Variants in PAPPA2 observed in about 807,000 individuals in gnomAD.
PAPPA2 encodes the protein pappalysin 2.
In PAPPA2, 86 loss-of-function variants were observed where a neutral mutation model predicts 176.4. That is an observed-to-expected ratio of 0.49 (90% confidence interval 0.41 to 0.58). PAPPA2 has a LOEUF of 0.58. Ranked by LOEUF, PAPPA2 falls within the 20% of genes least tolerant of loss-of-function variation. The pLI is 0.00. For missense variants in PAPPA2, 2,073 were observed against 2,256.9 expected (o/e 0.92, Z 1.65); for synonymous variants, 809 against 852.2 (o/e 0.95, Z 0.88).
intron 21 of PAPPA2, among the ~76,000 whole-genome samples, chr1:176,831,084 G>A (rs772702401): frequency 1.6e-4 from 25 of 152,148 alleles, no homozygotes; most frequent in Non-Finnish European, 3.1e-4. Context: ...AAGTTTTTTC[G>A]GTTTTTGTTT....
At position 176,557,165 on chromosome 1, in the gene PAPPA2, G is replaced by A. The variant is rs752644364; in HGVS notation, c.843G>A (p.Glu281=). Residue 281 remains glutamate (E), a synonymous_variant, in exon 2 of 23, where the codon GAG becomes GAA. Transcript: ENST00000367662. ...RLLLRPEVLA[E]IPREAFTVEA... is the part of the protein sequence containing the mutation. Reference sequence around the variant, plus strand: ...TGCTGCGTCCAGAAGTGCTGGCTGAGATTCCCCGGGAGGCGTTCACAGTGG... The same window carrying A: ...TGCTGCGTCCAGAAGTGCTGGCTGAAATTCCCCGGGAGGCGTTCACAGTGG... The A allele has an allele frequency of 1.2e-6, 2 of 1,613,792 alleles. No individual in the cohort carries two copies. Among genetic ancestry groups the A allele is most frequent in the South Asian group, 2.2e-5 (2 of 90,998 alleles).
chr1:176,467,835 A>G (rs750975737), intron 1 of PAPPA2, among the ~76,000 whole-genome samples: 12 of 152,210 alleles, frequency 7.9e-5, no homozygotes, highest in Non-Finnish European at 1.5e-4. Context: ...TTTGATGAGT[A>G]TTTGTGGAGC....
intron 17 of PAPPA2, among the ~76,000 whole-genome samples, chr1:176,784,635 G>C (rs1186301561): frequency 6.7e-6 from 1 of 150,298 alleles, no homozygotes; most frequent in Non-Finnish European, 1.5e-5. Flanking sequence ...CTACCAGGCT[G>C]GAGTGCAGTG....
At chr1:176,736,836 A>C (rs1662440543) in intron 12 of PAPPA2, among the ~76,000 whole-genome samples, 1 of 151,558 alleles carries the variant, frequency 6.6e-6, no homozygotes, top group Non-Finnish European at 1.5e-5. Flanking sequence ...TCAATTTATA[A>C]AGTAGAGATA....
At position 176,771,130 on chromosome 1, in the gene PAPPA2, A is replaced by G; in HGVS notation, c.4665A>G (p.Glu1555=). 1 of 1,614,200 alleles carries G rather than the reference A, an allele frequency of 6.2e-7. No homozygotes were observed. Among genetic ancestry groups the G allele is most frequent in the South Asian group, 1.1e-5 (1 of 91,084 alleles). ...ACGTGGGCACCATCTGCAAATATGA[A>G]TGCAAACCAGGGTACTATGTGGCAG... The part of the protein sequence containing the change: ...NHDVGTICKY[E]CKPGYYVAES... Residue 1555 remains glutamate (E), a synonymous_variant, in exon 17 of 23, where the codon GAA becomes GAG. Coordinates refer to ENST00000367662, the MANE Select transcript of PAPPA2 (RefSeq NM_020318.3).
At chr1:176,594,438 T>C in intron 2 of PAPPA2, 86 bp from the exon 3 acceptor site, 2 of 1,162,634 alleles carry the variant, frequency 1.7e-6, no homozygotes, top group Non-Finnish European at 1.2e-6. Flanking sequence ...GCATTCTTGT[T>C]ATTTACATGG....
At chr1:176,715,866 T>G (rs530543701) in intron 12 of PAPPA2, among the ~76,000 whole-genome samples, 1 of 152,226 alleles carries the variant, frequency 6.6e-6, no homozygotes, top group East Asian at 1.9e-4. Context: ...AATTCAAAAA[T>G]TCCTAGACTC....
chr1:176,640,430 A>G (rs1170911301), intron 3 of PAPPA2, among the ~76,000 whole-genome samples: 1 of 146,282 alleles, frequency 6.8e-6, no homozygotes, highest in Non-Finnish European at 1.5e-5. Flanking sequence ...CCTATGAGTG[A>G]GAATATGTGG....
chr1:176,752,203 GA>G (rs1332104108), intron 14 of PAPPA2, among the ~76,000 whole-genome samples: 25 of 128,754 alleles, frequency 1.9e-4, no homozygotes, highest in Non-Finnish European at 3.6e-4. Context: ...GGGGTCGGGG[GA>G]GGGGGGAGGG....
At chr1:176,561,798 A>T (rs2659489) in intron 2 of PAPPA2, among the ~76,000 whole-genome samples, 90,120 of 151,970 alleles carry the variant, frequency 0.59, 28,077 homozygotes, top group East Asian at 0.97. Flanking sequence ...GCTGATAAAG[A>T]CATACCTGAG....
chr1:176,598,330 CA>C (rs1238941751), intron 3 of PAPPA2, among the ~76,000 whole-genome samples: 1 of 151,906 alleles, frequency 6.6e-6, no homozygotes. Flanking sequence ...CTTGGTTCAT[CA>C]ATTTTAAACA....
intron 14 of PAPPA2, among the ~76,000 whole-genome samples, chr1:176,746,966 G>A (rs961760777): frequency 6.6e-5 from 10 of 152,156 alleles, no homozygotes; most frequent in Admixed American, 2.0e-4. Flanking sequence ...CCATTTAAGT[G>A]ACTCAATGGA....
At chr1:176,570,035 C>A (rs1021323115) in intron 2 of PAPPA2, among the ~76,000 whole-genome samples, 5 of 152,190 alleles carry the variant, frequency 3.3e-5, no homozygotes, top group Non-Finnish European at 7.3e-5. Flanking sequence ...ATGTTTATTT[C>A]TAAACTTTCA....
intron 4 of PAPPA2, among the ~76,000 whole-genome samples, chr1:176,689,069 C>A (rs1659977290): frequency 6.6e-6 from 1 of 152,304 alleles, no homozygotes; most frequent in African/African-American, 2.4e-5. Context: ...CTGGGCAGCA[C>A]AGCCAGGGGT....
At chr1:176,473,596 A>C (rs1300052211) in intron 1 of PAPPA2, among the ~76,000 whole-genome samples, 8 of 152,200 alleles carry the variant, frequency 5.3e-5, no homozygotes, top group Non-Finnish European at 4.4e-5. Flanking sequence ...TAGTTTTGTT[A>C]GAAACTTCCA....
In PAPPA2 at chr1:176,679,389, C is replaced by A. The variant is rs529393879; in HGVS notation, c.2137+8274C>A. Among the ~76,000 whole-genome samples, 335 of 152,160 alleles carry A rather than the reference C, an allele frequency of 2.2e-3. 2 individuals are homozygous for A. Among genetic ancestry groups the A allele is most frequent in the African/African-American group, 6.6e-3 (273 of 41,502 alleles). On this transcript the variant is annotated intron_variant, in intron 4 of 22. Coordinates refer to ENST00000367662, the MANE Select transcript of PAPPA2 (RefSeq NM_020318.3). ...AACAGGTGTCTCATCTCAAATACCC[C>A]CAAATACCCCAAAATTAACATGTTG...
At chr1:176,829,285 T>TG (rs201623758) in intron 21 of PAPPA2, among the ~76,000 whole-genome samples, 12 of 145,838 alleles carry the variant, frequency 8.2e-5, no homozygotes, top group South Asian at 2.1e-4. Flanking sequence ...TGAGAGAGAA[T>TG]GGGGAAAAAA....
At chr1:176,751,361 A>T (rs1418272478) in intron 14 of PAPPA2, among the ~76,000 whole-genome samples, 45 of 147,366 alleles carry the variant, frequency 3.1e-4, no homozygotes, top group African/African-American at 1.0e-3. Flanking sequence ...TAAACTAAAG[A>T]GCTTCTGCAC....
rs117809567 is a variant in PAPPA2 at position 176,789,026 on chromosome 1, T to C, written c.4716-783T>C. Among the ~76,000 whole-genome samples the C allele has an allele frequency of 1.4e-3, 220 of 152,318 alleles. 3 individuals are homozygous for C. The highest frequency in any genetic ancestry group is 0.01 in the Admixed American group (159 of 15,296). ...TTTGAATGTGTGATAACCTTTTTTG[T>C]ACCCCATCTTACCTGACATTTCGTT... On this transcript the variant is annotated intron_variant, in intron 17 of 22. Coordinates refer to ENST00000367662, the MANE Select transcript of PAPPA2 (RefSeq NM_020318.3).
Sources: gnomAD v4.1 joint callset for allele counts (sites outside exome capture counted in the v4.1 genomes callset) on GRCh38, gnomAD v4.1.1 for gene constraint, MANE v1.5 for transcripts, NCBI Gene and HGNC (gene_info 2026-07-23, HGNC 2026-07-21) for gene names.